The following POU3F2 variants were observed in gnomAD, a reference collection of about 807,000 sequenced individuals.
The protein encoded by POU3F2 is POU class 3 homeobox 2.
Under a neutral mutation model 33.1 loss-of-function variants are expected in POU3F2, and 11 were observed. The ratio of observed to expected loss-of-function variants is 0.33; its 90% CI spans 0.21 to 0.55. POU3F2 has a LOEUF of 0.55. Among genes scored for constraint, POU3F2 ranks in the 20% least tolerant of loss-of-function variants. The pLI is 0.91. For synonymous variants in POU3F2, 332 were observed against 289.6 expected (o/e 1.15, Z -1.49); for missense variants, 456 against 620.2 (o/e 0.74, Z 2.81).
At position 98,836,373 on chromosome 6, in the gene POU3F2, T is replaced by C; in HGVS notation, c.*168T>C. The C allele has an allele frequency of 1.2e-6, 1 of 849,000 alleles. No individual in the cohort carries two copies. Among genetic ancestry groups the C allele is most frequent in the Non-Finnish European group, 1.7e-6 (1 of 574,250 alleles). The allele number at this position is 849,000 out of a possible 1,614,324, so 52.6% of individuals were successfully genotyped here. ...AAAAATAAGGCAAAAGGAAAGCAAC[T>C]AAGACACTGGACTATCCTTTAAAGG... On this transcript the variant is annotated 3_prime_UTR_variant, in exon 1 of 1. Transcript: ENST00000328345.
rs1336963516 is a variant in POU3F2, at chr6:98,838,626, T to A, written c.*2421T>A. The A allele has an allele frequency of 1.8e-5, 3 of 166,462 alleles. No individual in the cohort carries two copies. Among genetic ancestry groups the A allele is most frequent in the African/African-American group, 7.2e-5 (3 of 41,434 alleles). 10.3% of individuals were successfully genotyped at this position (166,462 alleles called of 1,614,324 possible). A position where few individuals can be genotyped will look rare whatever the true frequency, so the allele number is the denominator to read the frequency against. Reference sequence around the variant, plus strand: ...TTTTCTGTAGCTTTAAATGAATAGGTGAGCAAAATCTATATGGGATGTAAT... The same window carrying A: ...TTTTCTGTAGCTTTAAATGAATAGGAGAGCAAAATCTATATGGGATGTAAT... On this transcript the variant is annotated 3_prime_UTR_variant, in exon 1 of 1. Coordinates refer to ENST00000328345, the MANE Select transcript of POU3F2 (RefSeq NM_005604.4).
chr6:98,835,116 GGGC>G lies in POU3F2; in HGVS notation c.252_254del (p.Gly88del). 16 of 1,208,888 alleles carry G rather than the reference GGGC, an allele frequency of 1.3e-5. No individual in the cohort carries two copies. Among genetic ancestry groups the G allele is most frequent in the Non-Finnish European group, 1.6e-5 (16 of 974,332 alleles). 74.9% of individuals were successfully genotyped at this position (1,208,888 alleles called of 1,614,324 possible). A position where few individuals can be genotyped will look rare whatever the true frequency, so the allele number is the denominator to read the frequency against. The stretch of plus-strand genomic sequence containing the variant: ...GCGGTGGCGGCGGCGGGGGGGGCGG[GGGC>G]GGCGGCGGGGGCGGCGGCGACGGCT... On this transcript the variant is annotated inframe_deletion, in exon 1 of 1. Coordinates refer to ENST00000328345, the MANE Select transcript of POU3F2 (RefSeq NM_005604.4). The surrounding 1 kb of genome is among the most constrained non-coding windows in gnomAD (Gnocchi z 9.7).
chr6:98,835,132 G>A lies in POU3F2; in HGVS notation c.259G>A (p.Gly87Ser), dbSNP rs1024458770. Residue 87 changes from glycine (G) to serine (S), a missense_variant, in exon 1 of 1, where the codon GGC (glycine) becomes AGC (serine). By Grantham distance (56) the Gly-to-Ser change is moderately conservative (BLOSUM62 0). Around this residue, in one of 6 missense-constraint regions of POU3F2, gnomAD observed 341 missense variants for 382.4 expected, o/e 0.89. Coordinates refer to ENST00000328345, the MANE Select transcript of POU3F2 (RefSeq NM_005604.4). This position sits in a 1 kb window ranked among gnomAD's most constrained non-coding sequence, Gnocchi z 9.7. ...GGGGGGGGGG[G>S]GDGSPWSTSP... ...GGGGGGCGGGGGCGGCGGCGGGGGC[G>A]GCGGCGACGGCTCCCCGTGGTCCAC... The A allele has an allele frequency of 1.6e-6, 2 of 1,230,434 alleles. No individual in the cohort carries two copies. The highest frequency in any genetic ancestry group is 2.0e-6 in the Non-Finnish European group (2 of 986,584). 76.2% of individuals were successfully genotyped at this position (1,230,434 alleles called of 1,614,324 possible). A position where few individuals can be genotyped will look rare whatever the true frequency, so the allele number is the denominator to read the frequency against.
In POU3F2 at chr6:98,836,315, A is replaced by G; in HGVS notation, c.*110A>G. ...AACTTCTGATTGTTCTTTTATTTTT[A>G]ATTATTATTTCCCCGTCCCTTAAAA... On this transcript the variant is annotated 3_prime_UTR_variant, in exon 1 of 1. Transcript: ENST00000328345. 2 of 1,309,252 alleles carry G rather than the reference A, an allele frequency of 1.5e-6. No individual in the cohort carries two copies. Among genetic ancestry groups the G allele is most frequent in the South Asian group, 3.6e-5 (2 of 55,560 alleles). The allele number at this position is 1,309,252 out of a possible 1,614,324, so 81.1% of individuals were successfully genotyped here.
At position 98,836,393 on chromosome 6, in the gene POU3F2, T is replaced by C; in HGVS notation, c.*188T>C. On this transcript the variant is annotated 3_prime_UTR_variant, in exon 1 of 1. Transcript: ENST00000328345. ...GCAACTAAGACACTGGACTATCCTTTAAAGGTAGCAGGTGTAATGATGTGT... is the reference window on the plus strand; with the variant it reads ...GCAACTAAGACACTGGACTATCCTTCAAAGGTAGCAGGTGTAATGATGTGT... 1.4e-6 allele frequency: 1 copy of C among 712,280 alleles called. No homozygotes were observed. The allele number at this position is 712,280 out of a possible 1,614,324, so 44.1% of individuals were successfully genotyped here. A position where few individuals can be genotyped will look rare whatever the true frequency, so the allele number is the denominator to read the frequency against.
rs1248544983 is a variant in POU3F2, at chr6:98,838,580, C to T, written c.*2375C>T. 6.0e-6 allele frequency: 1 copy of T among 166,034 alleles called. No homozygotes were observed. The highest frequency in any genetic ancestry group is 2.4e-5 in the African/African-American group (1 of 41,234). 10.3% of individuals were successfully genotyped at this position (166,034 alleles called of 1,614,324 possible). ...CAATGTATATTTATTTCTTTTGAAA[C>T]AAAAAGGTTCTGGAAACTGTTTTTC... On this transcript the variant is annotated 3_prime_UTR_variant, in exon 1 of 1. Transcript: ENST00000328345.
rs1770037133 is a variant in POU3F2 at position 98,839,020 on chromosome 6, G to A, written c.*2815G>A. The stretch of plus-strand genomic sequence containing the variant: ...TTTTTTTTTTTTAATGGAGACTACT[G>A]GTCTAATTCACTTTACTTTGCAAAA... On this transcript the variant is annotated 3_prime_UTR_variant, in exon 1 of 1. Transcript: ENST00000328345. The A allele has an allele frequency of 6.6e-6, 1 of 150,608 alleles. No homozygotes were observed. The allele number at this position is 150,608 out of a possible 1,614,324, so 9.3% of individuals were successfully genotyped here. A position where few individuals can be genotyped will look rare whatever the true frequency, so the allele number is the denominator to read the frequency against.
At position 98,834,784 on chromosome 6, in the gene POU3F2, A is replaced by T; in HGVS notation, c.-90A>T. The T allele has an allele frequency of 7.1e-7, 1 of 1,403,460 alleles. No homozygotes were observed. The highest frequency in any genetic ancestry group is 2.0e-5 in the Admixed American group (1 of 49,638). 86.9% of individuals were successfully genotyped at this position (1,403,460 alleles called of 1,614,324 possible). Reference sequence around the variant, plus strand: ...TGTGGGAGAGAGAGGAGACAGAAAGAGCGAGCGAGGAGAGGGAGCCCGAGG... The same window carrying T: ...TGTGGGAGAGAGAGGAGACAGAAAGTGCGAGCGAGGAGAGGGAGCCCGAGG... On this transcript the variant is annotated 5_prime_UTR_variant, in exon 1 of 1. Coordinates refer to ENST00000328345, the MANE Select transcript of POU3F2 (RefSeq NM_005604.4).
rs1438899684 is a variant in POU3F2, at chr6:98,838,851, G to A, written c.*2646G>A. On this transcript the variant is annotated 3_prime_UTR_variant, in exon 1 of 1. Transcript: ENST00000328345. ...ATTTTATTTTTAAAGATAGTGCCAA[G>A]TTTTAAGGGGGGAAAACCCTAGACC... 6.5e-6 allele frequency: 1 copy of A among 153,354 alleles called. No individual in the cohort carries two copies. Among genetic ancestry groups the A allele is most frequent in the Non-Finnish European group, 1.5e-5 (1 of 68,016 alleles). The allele number at this position is 153,354 out of a possible 1,614,324, so 9.5% of individuals were successfully genotyped here. A position where few individuals can be genotyped will look rare whatever the true frequency, so the allele number is the denominator to read the frequency against.
chr6:98,835,115 G>T lies in POU3F2; in HGVS notation c.242G>T (p.Gly81Val). 2 of 1,212,404 alleles carry T rather than the reference G, an allele frequency of 1.6e-6. No individual in the cohort carries two copies. The highest frequency in any genetic ancestry group is 2.0e-6 in the Non-Finnish European group (2 of 976,358). The allele number at this position is 1,212,404 out of a possible 1,614,324, so 75.1% of individuals were successfully genotyped here. A position where few individuals can be genotyped will look rare whatever the true frequency, so the allele number is the denominator to read the frequency against. ...GGGGGGGGGG[G>V]GGGGGGGDGS... ...GGCGGTGGCGGCGGCGGGGGGGGCG[G>T]GGGCGGCGGCGGGGGCGGCGGCGAC... is the stretch of plus-strand genomic sequence containing the variant. The change falls in exon 1 of 1, where the codon GGG becomes GTG. Residue 81 changes from glycine (G) to valine (V), a missense_variant. Transcript: ENST00000328345. This position sits in a 1 kb window ranked among gnomAD's most constrained non-coding sequence, Gnocchi z 9.7.
chr6:98,837,354 A>G lies in POU3F2; in HGVS notation c.*1149A>G, dbSNP rs1770013537. On this transcript the variant is annotated 3_prime_UTR_variant, in exon 1 of 1. Transcript: ENST00000328345. ...TTCAGATATCCCTATATAGTTCTCT[A>G]CCTTCAGTTTTAGTAACAATTATGA... 1 of 167,084 alleles carries G rather than the reference A, an allele frequency of 6.0e-6. No homozygotes were observed. Among genetic ancestry groups the G allele is most frequent in the Admixed American group, 6.5e-5 (1 of 15,286 alleles). 10.4% of individuals were successfully genotyped at this position (167,084 alleles called of 1,614,324 possible).
rs1769987112 is a variant in POU3F2, at chr6:98,835,583, A to G, written c.710A>G (p.Gln237Arg). ...CCGCACCCGCACTCGCACCCACACC[A>G]GCAGCCGCCGCCCCCGCCGCCCCCG... ...HHPHPHSHPH[Q>R]QPPPPPPPQG... The change falls in exon 1 of 1, where the codon CAG becomes CGG. Residue 237 changes from glutamine (Q) to arginine (R), a missense_variant. Gln to Arg is a conservative substitution (Grantham distance 43). This residue lies in a region of POU3F2 where 341 missense variants were observed against 382.4 expected (regional missense o/e 0.89). Transcript: ENST00000328345. This position sits in a 1 kb window ranked among gnomAD's most constrained non-coding sequence, Gnocchi z 9.7. 6.2e-7 allele frequency: 1 copy of G among 1,601,808 alleles called. No individual in the cohort carries two copies. Among genetic ancestry groups the G allele is most frequent in the South Asian group, 1.1e-5 (1 of 90,782 alleles).
Position 98,835,209 on chromosome 6 carries a change from C to T in POU3F2, c.336C>T (p.Gly112=). 4 of 1,520,936 alleles carry T rather than the reference C, an allele frequency of 2.6e-6. No individual in the cohort carries two copies. Among genetic ancestry groups the T allele is most frequent in the African/African-American group, 1.4e-5 (1 of 69,926 alleles). The allele number at this position is 1,520,936 out of a possible 1,614,324, so 94.2% of individuals were successfully genotyped here. A position where few individuals can be genotyped will look rare whatever the true frequency, so the allele number is the denominator to read the frequency against. The change falls in exon 1 of 1, where the codon GGC becomes GGT. Residue 112 remains glycine (G), a synonymous_variant. Coordinates refer to ENST00000328345, the MANE Select transcript of POU3F2 (RefSeq NM_005604.4). The surrounding 1 kb of genome is among the most constrained non-coding windows in gnomAD (Gnocchi z 9.7). ...DIKPSVVVQQ[G]GRGDELHGPG... ...AGCCCTCGGTGGTGGTGCAGCAGGG[C>T]GGCCGCGGAGACGAGCTGCACGGGC...
Position 98,835,113 on chromosome 6 carries a change from CG to C in POU3F2, c.245del (p.Gly82AlafsTer116). 2.7e-6 allele frequency: 3 copies of C among 1,094,038 alleles called. No individual in the cohort carries two copies. Among genetic ancestry groups the C allele is most frequent in the African/African-American group, 1.8e-5 (1 of 56,438 alleles). The allele number at this position is 1,094,038 out of a possible 1,614,324, so 67.8% of individuals were successfully genotyped here. A position where few individuals can be genotyped will look rare whatever the true frequency, so the allele number is the denominator to read the frequency against. On this transcript the variant is annotated frameshift_variant, in exon 1 of 1. Transcript: ENST00000328345. LOFTEE classifies it high-confidence loss of function. This position sits in a 1 kb window ranked among gnomAD's most constrained non-coding sequence, Gnocchi z 9.7. The part of the protein sequence containing the change: ...GGGGGGGGGG[G>X]GGGGGGGDGS... ...GGGGCGGTGGCGGCGGCGGGGGGGG[CG>C]GGGGCGGCGGCGGGGGCGGCGGCGA...
At position 98,835,378 on chromosome 6, in the gene POU3F2, C is replaced by A. The variant is rs776023246; in HGVS notation, c.505C>A (p.Arg169=). The A allele has an allele frequency of 6.4e-7, 1 of 1,563,734 alleles. No individual in the cohort carries two copies. The highest frequency in any genetic ancestry group is 8.6e-7 in the Non-Finnish European group (1 of 1,157,184). The change falls in exon 1 of 1, where the codon CGG becomes AGG. Residue 169 remains arginine (R), a synonymous_variant. Coordinates refer to ENST00000328345, the MANE Select transcript of POU3F2 (RefSeq NM_005604.4). This position sits in a 1 kb window ranked among gnomAD's most constrained non-coding sequence, Gnocchi z 9.7. Reference sequence around the variant, plus strand: ...CCACCACCCGGGACCCGGGGCATGGCGGAGCGCGGCGGCTGCAGCGCACCT... The same window carrying A: ...CCACCACCCGGGACCCGGGGCATGGAGGAGCGCGGCGGCTGCAGCGCACCT... ...ANHHPGPGAW[R]SAAAAAHLPP...
chr6:98,836,022 G>A lies in POU3F2; in HGVS notation c.1149G>A (p.Glu383=), dbSNP rs748122721. 3 of 1,611,228 alleles carry A rather than the reference G, an allele frequency of 1.9e-6. No homozygotes were observed. The African/African-American group carries it at 4.0e-5, about 22-fold the overall frequency. The stretch of plus-strand genomic sequence containing the variant: ...AATGCCCCAAGCCCTCGGCCCAGGA[G>A]ATCACCTCCCTCGCGGACAGCTTAC... ...FLKCPKPSAQ[E]ITSLADSLQL... The change falls in exon 1 of 1, where the codon GAG becomes GAA. Residue 383 remains glutamate (E), a synonymous_variant. Transcript: ENST00000328345.
At position 98,835,372 on chromosome 6, in the gene POU3F2, G is replaced by A. The variant is rs1167843585; in HGVS notation, c.499G>A (p.Ala167Thr). 4 of 1,560,788 alleles carry A rather than the reference G, an allele frequency of 2.6e-6. No homozygotes were observed. Among genetic ancestry groups the A allele is most frequent in the Admixed American group, 3.7e-5 (2 of 54,178 alleles). Residue 167 changes from alanine (A) to threonine (T), a missense_variant, in exon 1 of 1, where the codon GCA (alanine) becomes ACA (threonine). Physicochemically the swap from Ala to Thr is moderately conservative, Grantham distance 58 (BLOSUM62 0). This residue lies in a region of POU3F2 where 341 missense variants were observed against 382.4 expected (regional missense o/e 0.89). Coordinates refer to ENST00000328345, the MANE Select transcript of POU3F2 (RefSeq NM_005604.4). This position sits in a 1 kb window ranked among gnomAD's most constrained non-coding sequence, Gnocchi z 9.7. ...HAANHHPGPG[A>T]WRSAAAAAHL... ...CGCTAACCACCACCCGGGACCCGGGGCATGGCGGAGCGCGGCGGCTGCAGC... is the reference window on the plus strand; with the variant it reads ...CGCTAACCACCACCCGGGACCCGGGACATGGCGGAGCGCGGCGGCTGCAGC...
rs1224358241 is a variant in POU3F2, at chr6:98,835,296, A to G, written c.423A>G (p.Gln141=). ...QQQQQQQQQQ[Q]QQQQQQQQRP... Reference sequence around the variant, plus strand: ...AGCAACAGCAGCAGCAACAGCAGCAACAGCAGCAGCAGCAGCAGCAACAGC... The same window carrying G: ...AGCAACAGCAGCAGCAACAGCAGCAGCAGCAGCAGCAGCAGCAGCAACAGC... The change falls in exon 1 of 1, where the codon CAA becomes CAG. Residue 141 remains glutamine (Q), a synonymous_variant. Coordinates refer to ENST00000328345, the MANE Select transcript of POU3F2 (RefSeq NM_005604.4). The surrounding 1 kb of genome is among the most constrained non-coding windows in gnomAD (Gnocchi z 9.7). The G allele has an allele frequency of 7.1e-6, 11 of 1,544,354 alleles. No individual in the cohort carries two copies. Among genetic ancestry groups the G allele is most frequent in the East Asian group, 4.9e-5 (2 of 40,484 alleles).
rs1370076468 is a variant in POU3F2, at chr6:98,835,299, G to A, written c.426G>A (p.Gln142=). ...QQQQQQQQQQ[Q]QQQQQQQRPP... ...AACAGCAGCAGCAACAGCAGCAACA[G>A]CAGCAGCAGCAGCAGCAACAGCGGC... is the stretch of plus-strand genomic sequence containing the variant. The change falls in exon 1 of 1, where the codon CAG becomes CAA. Residue 142 remains glutamine, a synonymous_variant. Coordinates refer to ENST00000328345, the MANE Select transcript of POU3F2 (RefSeq NM_005604.4). This position sits in a 1 kb window ranked among gnomAD's most constrained non-coding sequence, Gnocchi z 9.7. 2.0e-6 allele frequency: 3 copies of A among 1,487,812 alleles called. No individual in the cohort carries two copies. Among genetic ancestry groups the A allele is most frequent in the Non-Finnish European group, 1.8e-6 (2 of 1,107,936 alleles). 92.2% of individuals were successfully genotyped at this position (1,487,812 alleles called of 1,614,324 possible). A position where few individuals can be genotyped will look rare whatever the true frequency, so the allele number is the denominator to read the frequency against.
Sources: gnomAD v4.1 joint callset for allele counts on GRCh38, gnomAD v4.1.1 for gene constraint, gnomAD v4.1.1 regional missense constraint, Gnocchi (gnomAD v3.1) non-coding constraint, MANE v1.5 for transcripts, NCBI Gene and HGNC (gene_info 2026-07-23, HGNC 2026-07-21) for gene names.